The following SPTLC1 variants were observed in gnomAD, a reference collection of about 807,000 sequenced individuals.
The protein encoded by SPTLC1 is serine palmitoyltransferase 1.
A neutral mutation model predicts 68.9 loss-of-function variants in SPTLC1; 55 were observed. The observed-to-expected ratio is 0.80, with a 90% CI of 0.64 to 1.00. The LOEUF (loss-of-function observed/expected upper bound fraction) is 1.00. Among genes scored for constraint, SPTLC1 ranks in the 50% least tolerant of loss-of-function variants. The probability of loss-of-function intolerance (pLI) is 0.00; values close to 1 mark genes in which losing one functional copy is unlikely to be tolerated. For missense variants in SPTLC1, 449 were observed against 573.1 expected (o/e 0.78, Z 2.21); for synonymous variants, 197 against 201.6 (o/e 0.98, Z 0.19).
At chr9:92,050,255 C>T (rs1211005321) in intron 8 of SPTLC1, 188 bp from the exon 9 acceptor site, 19 of 561,646 alleles carry the variant, frequency 3.4e-5, no homozygotes, top group African/African-American at 5.7e-5. Flanking sequence ...CCTGTCATCA[C>T]GGATATGTGC....
intron 3 of SPTLC1, among the ~76,000 whole-genome samples, chr9:92,097,576 A>T (rs1220964372): frequency 6.6e-6 from 1 of 152,240 alleles, no homozygotes; most frequent in Non-Finnish European, 1.5e-5. Context: ...CCAGAAACAA[A>T]GGCTAAGTAT....
At chr9:92,082,253 A>G (rs1240879186) in intron 3 of SPTLC1, among the ~76,000 whole-genome samples, 1 of 151,844 alleles carries the variant, frequency 6.6e-6, no homozygotes, top group African/African-American at 2.4e-5. Flanking sequence ...TTTTATTATT[A>G]TTATACTCTA....
At chr9:92,091,713 C>T (rs923874010) in intron 3 of SPTLC1, among the ~76,000 whole-genome samples, 3 of 152,064 alleles carry the variant, frequency 2.0e-5, no homozygotes, top group Admixed American at 6.5e-5. Flanking sequence ...GTTTACTATA[C>T]AAATAAGTTA....
chr9:92,067,526 T>G (rs1489840374), intron 6 of SPTLC1, among the ~76,000 whole-genome samples: 1 of 152,132 alleles, frequency 6.6e-6, no homozygotes, highest in African/African-American at 2.4e-5. Flanking sequence ...GATCCACTTG[T>G]GGGTAGTCAA....
At chr9:92,055,325 CA>C (rs1833849490) in intron 8 of SPTLC1, 79 bp downstream of exon 8, 1 of 1,600,248 alleles carries the variant, frequency 6.2e-7, no homozygotes. Context: ...AGACGTTATA[CA>C]CTAAAAGCGG....
chr9:92,109,169 A>C, intron 2 of SPTLC1: 1 of 222,212 alleles, frequency 4.5e-6, no homozygotes. Flanking sequence ...CAACACACTG[A>C]CTATATATCA....
chr9:92,105,997 C>T (rs1835963691), intron 3 of SPTLC1, among the ~76,000 whole-genome samples: 1 of 150,000 alleles, frequency 6.7e-6, no homozygotes, highest in Admixed American at 6.7e-5. Flanking sequence ...CACTTCTGCC[C>T]AGCCGCCACC....
chr9:92,040,064 T>C (rs530510008), intron 12 of SPTLC1, among the ~76,000 whole-genome samples: 1 of 152,186 alleles, frequency 6.6e-6, no homozygotes, highest in South Asian at 2.1e-4. Flanking sequence ...TCATGTATTC[T>C]CACAGTATTA....
intron 8 of SPTLC1, chr9:92,051,245 T>C (rs1235351688): frequency 2.0e-6 from 2 of 984,538 alleles, no homozygotes; most frequent in African/African-American, 3.5e-5. Flanking sequence ...GGAACCCTTA[T>C]TTTGAATCCT....
At chr9:92,044,307 TG>T (rs1226282581) in intron 12 of SPTLC1, among the ~76,000 whole-genome samples, 1 of 152,142 alleles carries the variant, frequency 6.6e-6, no homozygotes. Context: ...GAGACCGAGA[TG>T]GAGCCATTCA....
chr9:92,046,826 G>C (rs958216121), intron 11 of SPTLC1, among the ~76,000 whole-genome samples: 1 of 152,178 alleles, frequency 6.6e-6, no homozygotes, highest in African/African-American at 2.4e-5. Context: ...TGCTTCAGCT[G>C]ATTTCTCAAA....
intron 1 of SPTLC1, among the ~76,000 whole-genome samples, chr9:92,114,124 AG>A (rs1178666535): frequency 2.0e-5 from 3 of 151,392 alleles, no homozygotes; most frequent in African/African-American, 7.3e-5. Context: ...AAAAAAAAAA[AG>A]ATTAGTTGGG....
At chr9:92,061,193 C>T (rs77691266) in intron 6 of SPTLC1, among the ~76,000 whole-genome samples, 5,082 of 152,090 alleles carry the variant, frequency 0.033, 216 homozygotes, top group Middle Eastern at 0.12. Flanking sequence ...CAAATAGTTG[C>T]CAAGGCACAT....
chr9:92,092,575 A>G (rs1474661674), intron 3 of SPTLC1, among the ~76,000 whole-genome samples: 3 of 152,112 alleles, frequency 2.0e-5, no homozygotes. Flanking sequence ...TTAAAAAATA[A>G]TAATAATAAA....
intron 14 of SPTLC1, among the ~76,000 whole-genome samples, chr9:92,034,434 G>A (rs1833072494): frequency 6.6e-6 from 1 of 152,114 alleles, no homozygotes; most frequent in Non-Finnish European, 1.5e-5. Flanking sequence ...AGAGGCGCAT[G>A]CCCACCCCCA....
chr9:92,032,913 A>G (rs1341081918), intron 14 of SPTLC1, among the ~76,000 whole-genome samples: 1 of 152,062 alleles, frequency 6.6e-6, no homozygotes, highest in Admixed American at 6.5e-5. Context: ...AAACAGAAAA[A>G]AGAATTATCT....
chr9:92,055,633 G>T, intron 7 of SPTLC1, 139 bp from the exon 8 acceptor site: 2 of 870,058 alleles, frequency 2.3e-6, no homozygotes, highest in Non-Finnish European at 1.8e-6. Flanking sequence ...CAGTGTTTGT[G>T]ATGGGTTATT....
At chr9:92,079,428 A>G in intron 5 of SPTLC1, 1 of 1,584,138 alleles carries the variant, frequency 6.3e-7, no homozygotes, top group South Asian at 1.1e-5. Context: ...ACTTAATAAA[A>G]ACAACCATAA....
At chr9:92,051,559 G>A (rs187784293) in intron 8 of SPTLC1, among the ~76,000 whole-genome samples, 1 of 152,272 alleles carries the variant, frequency 6.6e-6, no homozygotes, top group Admixed American at 6.5e-5. Flanking sequence ...ATAAGATCAG[G>A]AACAAGACAA....
Sources: allele counts gnomAD v4.1 joint callset (sites outside exome capture counted in the v4.1 genomes callset), GRCh38; gene constraint gnomAD v4.1.1; transcripts MANE v1.5; gene names NCBI Gene and HGNC (gene_info 2026-07-23, HGNC 2026-07-21).